CNTN5: variants seen among roughly 807,000 people sequenced by gnomAD.
The protein encoded by CNTN5 is contactin 5.
A neutral mutation model predicts 129.1 loss-of-function variants in CNTN5; 77 were observed. The observed-to-expected ratio is 0.60, with a 90% CI of 0.50 to 0.72. The LOEUF (loss-of-function observed/expected upper bound fraction) is 0.72, where lower values mean the gene tolerates loss of function less well. CNTN5 is among the 30% of genes least tolerant of loss of function. CNTN5 has a pLI of 0.00. For synonymous variants in CNTN5, 509 were observed against 465.6 expected, an observed-to-expected ratio of 1.09 and a Z score of -1.20; for missense variants, 1,478 against 1,328.8, an observed-to-expected ratio of 1.11 and a Z score of -1.75.
At chr11:99,868,866 G>A (rs1220660495) in intron 6 of CNTN5, among the ~76,000 whole-genome samples, 1 of 152,116 alleles carries the variant, frequency 6.6e-6, no homozygotes, top group Non-Finnish European at 1.5e-5. Context: ...TTTAAATGAT[G>A]AAACCATGTT....
Position 100,163,807 on chromosome 11 carries a change from A to G in CNTN5, c.1581-27319A>G, listed in dbSNP as rs1012763802. Among the ~76,000 whole-genome samples, 6 of 151,944 alleles carry G rather than the reference A, an allele frequency of 3.9e-5. 1 individual carries two copies. Among genetic ancestry groups the G allele is most frequent in the African/African-American group, 1.4e-4 (6 of 41,506 alleles). On this transcript the variant is annotated intron_variant, in intron 13 of 24. Coordinates refer to ENST00000524871, the MANE Select transcript of CNTN5 (RefSeq NM_014361.4). ...TTAGGACCTTCCATTATCCCTAAGG[A>G]TATTTCTGAGTGAAAACAATCAAAA...
intron 3 of CNTN5, among the ~76,000 whole-genome samples, chr11:99,663,081 G>C (rs1300217964): frequency 6.6e-6 from 1 of 150,894 alleles, no homozygotes; most frequent in Admixed American, 6.7e-5. Flanking sequence ...CAGTGCAAAA[G>C]ACAGTAAGTA....
Position 99,503,672 on chromosome 11 carries a change from C to A in CNTN5, c.-70-52473C>A, listed in dbSNP as rs542456808. On this transcript the variant is annotated intron_variant, in intron 2 of 24. Transcript: ENST00000524871. ...TCTTTTATTTTGTCATCCGCAGCTT[C>A]TAATAATACTGTTCCAGGCATATAA... Among the ~76,000 whole-genome samples, 15 of 152,222 alleles carry A rather than the reference C, an allele frequency of 9.9e-5. No individual in the cohort carries two copies. In the South Asian group the frequency reaches 2.5e-3, roughly 25 times the overall value.
chr11:100,064,667 C>G (rs1943625348), intron 10 of CNTN5, among the ~76,000 whole-genome samples: 1 of 151,984 alleles, frequency 6.6e-6, no homozygotes, highest in South Asian at 2.1e-4. Flanking sequence ...CTATTTCTGT[C>G]CCCTCTAGTT....
chr11:99,303,959 G>T (rs910544141), intron 1 of CNTN5, among the ~76,000 whole-genome samples: 2 of 152,000 alleles, frequency 1.3e-5, no homozygotes, highest in African/African-American at 4.8e-5. Flanking sequence ...CCTCAGCATG[G>T]CCTTCATCTG....
chr11:99,591,012 C>T (rs946592332), intron 3 of CNTN5, among the ~76,000 whole-genome samples: 3 of 152,038 alleles, frequency 2.0e-5, no homozygotes, highest in African/African-American at 7.2e-5. Context: ...AAATTGTGAA[C>T]CACTGATGAC....
At chr11:99,759,970 A>T (rs1396569213) in intron 3 of CNTN5, among the ~76,000 whole-genome samples, 2 of 152,100 alleles carry the variant, frequency 1.3e-5, no homozygotes, top group East Asian at 3.9e-4. Context: ...GAGTGAAATG[A>T]TACTTCAGTT....
intron 1 of CNTN5, among the ~76,000 whole-genome samples, chr11:99,239,338 G>A (rs186531809): frequency 7.9e-5 from 12 of 152,262 alleles, no homozygotes; most frequent in African/African-American, 2.6e-4. Context: ...AGTTTTGAGT[G>A]ATAATATGTG....
At chr11:99,042,589 A>G (rs1213629691) in intron 1 of CNTN5, among the ~76,000 whole-genome samples, 1 of 151,786 alleles carries the variant, frequency 6.6e-6, no homozygotes, top group Non-Finnish European at 1.5e-5. Context: ...GTTAGCCAGG[A>G]TGGTCTCGAC....
chr11:100,262,776 C>A (rs1054346113), intron 17 of CNTN5, among the ~76,000 whole-genome samples: 7 of 152,122 alleles, frequency 4.6e-5, no homozygotes, highest in East Asian at 1.9e-4. Context: ...GCATTACACA[C>A]TGGGGCCTGC....
At chr11:99,417,862 T>G (rs961489025) in intron 2 of CNTN5, among the ~76,000 whole-genome samples, 2 of 152,166 alleles carry the variant, frequency 1.3e-5, no homozygotes, top group Non-Finnish European at 2.9e-5. Flanking sequence ...TTTGGTGAGT[T>G]GAAGCATTCA....
chr11:99,571,592 G>A (rs1326915243), intron 3 of CNTN5, among the ~76,000 whole-genome samples: 1 of 152,078 alleles, frequency 6.6e-6, no homozygotes, highest in Non-Finnish European at 1.5e-5. Context: ...CAAAACTCAG[G>A]AAGCACATCT....
At chr11:99,704,264 A>G (rs948440022) in intron 3 of CNTN5, among the ~76,000 whole-genome samples, 1 of 151,086 alleles carries the variant, frequency 6.6e-6, no homozygotes, top group African/African-American at 2.4e-5. Flanking sequence ...CTAAGTGCCA[A>G]GTTAAATCAC....
intron 1 of CNTN5, among the ~76,000 whole-genome samples, chr11:99,189,621 C>T (rs921694435): frequency 5.3e-5 from 8 of 151,618 alleles, no homozygotes; most frequent in Non-Finnish European, 8.9e-5. Flanking sequence ...TTACATTTCA[C>T]TGATGATTAG....
At chr11:99,835,768 A>C (rs992488745) in intron 4 of CNTN5, among the ~76,000 whole-genome samples, 5 of 152,212 alleles carry the variant, frequency 3.3e-5, no homozygotes, top group Non-Finnish European at 5.9e-5. Flanking sequence ...GGTCAAGCTA[A>C]ATACATGGTT....
chr11:99,712,973 G>GT lies in CNTN5; in HGVS notation c.56-106568dup, dbSNP rs1249125321. Reference sequence around the variant, plus strand: ...CTTGGCTAGGTGGGCTCTTTTTTTTGTTTCCAAATGAAATTAAAGTAGTTT... The same window carrying GT: ...CTTGGCTAGGTGGGCTCTTTTTTTTGTTTTCCAAATGAAATTAAAGTAGTTT... On this transcript the variant is annotated intron_variant, in intron 3 of 24. Coordinates refer to ENST00000524871, the MANE Select transcript of CNTN5 (RefSeq NM_014361.4). 2.6e-5 allele frequency among the ~76,000 whole-genome samples: 4 copies of GT among 151,690 alleles called. No individual in the cohort carries two copies. In the East Asian group the frequency reaches 7.7e-4, roughly 29 times the overall value.
intron 6 of CNTN5, among the ~76,000 whole-genome samples, chr11:99,904,610 A>G (rs1269407392): frequency 2.6e-5 from 4 of 152,120 alleles, no homozygotes; most frequent in African/African-American, 9.7e-5. Flanking sequence ...ATACATGTAC[A>G]TGTGTCTTTA....
chr11:99,209,902 G>A (rs1591362383), intron 1 of CNTN5, among the ~76,000 whole-genome samples: 1 of 152,004 alleles, frequency 6.6e-6, no homozygotes, highest in Non-Finnish European at 1.5e-5. Context: ...TATTTTACAC[G>A]TAGACAGAGA....
At chr11:99,996,957 G>C (rs1333600249) in intron 8 of CNTN5, among the ~76,000 whole-genome samples, 1 of 152,110 alleles carries the variant, frequency 6.6e-6, no homozygotes, top group Non-Finnish European at 1.5e-5. Context: ...TTTCAGATGA[G>C]ATTTTGGTGG....
Sources: allele counts gnomAD v4.1 joint callset (sites outside exome capture counted in the v4.1 genomes callset), GRCh38; gene constraint gnomAD v4.1.1; transcripts MANE v1.5; gene names NCBI Gene and HGNC (gene_info 2026-07-23, HGNC 2026-07-21).